ATXN3: variants seen among roughly 807,000 people sequenced by gnomAD.
ATXN3 encodes ataxin 3.
ATXN3 carries 28 observed loss-of-function variants against 58.2 expected under a neutral mutation model. The observed-to-expected ratio is 0.48, with a 90% confidence interval of 0.36 to 0.66. The LOEUF (loss-of-function observed/expected upper bound fraction) is 0.66, where lower values mean the gene tolerates loss of function less well. Ranked by LOEUF, ATXN3 falls within the 30% of genes least tolerant of loss-of-function variation. The probability of loss-of-function intolerance (pLI) is 0.00; values close to 1 mark genes in which losing one functional copy is unlikely to be tolerated. For synonymous variants in ATXN3, 113 were observed against 138.5 expected, an observed-to-expected ratio of 0.82 and a Z score of 1.29; for missense variants, 321 against 422.1, an observed-to-expected ratio of 0.76 and a Z score of 2.10.
At chr14:92,075,342 T>C (rs1262665859) in intron 9 of ATXN3, among the ~76,000 whole-genome samples, 2 of 152,076 alleles carry the variant, frequency 1.3e-5, no homozygotes, top group African/African-American at 4.8e-5. Flanking sequence ...TTTTTTTGTA[T>C]TTTTAGTAGA....
intron 1 of ATXN3, among the ~76,000 whole-genome samples, chr14:92,104,195 C>T (rs1403550299): frequency 1.3e-5 from 2 of 152,152 alleles, no homozygotes; most frequent in Non-Finnish European, 2.9e-5. Flanking sequence ...GGCTGAAGTG[C>T]AGTGGCACGG....
chr14:92,087,538 C>T (rs1300410141), intron 6 of ATXN3, among the ~76,000 whole-genome samples: 2 of 152,156 alleles, frequency 1.3e-5, no homozygotes, highest in African/African-American at 2.4e-5. Context: ...TTTTTAGCCA[C>T]GTCCAGCTAC....
intron 6 of ATXN3, among the ~76,000 whole-genome samples, chr14:92,084,341 C>T (rs1164458076): frequency 6.6e-6 from 1 of 152,198 alleles, no homozygotes; most frequent in Non-Finnish European, 1.5e-5. Context: ...CCCTGACCCA[C>T]ACATGTACAC....
rs947442378 is a variant in ATXN3 at position 92,083,040 on chromosome 14, G to A, written c.608+86C>T. The A allele has an allele frequency of 2.0e-6, 3 of 1,466,886 alleles. No homozygotes were observed. The African/African-American group carries it at 4.3e-5, about 21-fold the overall frequency. The allele number at this position is 1,466,886 out of a possible 1,614,324, so 90.9% of individuals were successfully genotyped here. A position where few individuals can be genotyped will look rare whatever the true frequency, so the allele number is the denominator to read the frequency against. On this transcript the variant is annotated intron_variant, in intron 7 of 10. Transcript: ENST00000644486. ...CAAAATAGAGTCGCCAACAACACAA[G>A]GACCACATATTCAATCTAAGCATGA... is the stretch of plus-strand genomic sequence containing the variant.
Position 92,061,986 on chromosome 14 carries a change from T to C in ATXN3, c.*2334A>G, listed in dbSNP as rs1480838151. 1 of 152,400 alleles carries C rather than the reference T, an allele frequency of 6.6e-6. No homozygotes were observed. The highest frequency in any genetic ancestry group is 1.5e-5 in the Non-Finnish European group (1 of 68,156). 9.4% of individuals were successfully genotyped at this position (152,400 alleles called of 1,614,324 possible). A position where few individuals can be genotyped will look rare whatever the true frequency, so the allele number is the denominator to read the frequency against. On this transcript the variant is annotated 3_prime_UTR_variant, in exon 11 of 11. Transcript: ENST00000644486. ...AAACTCTCTAGCTGGCCAGGCGCAGTGGCTCATGCCTGTAATCCCAACACT... is the reference window on the plus strand; with the variant it reads ...AAACTCTCTAGCTGGCCAGGCGCAGCGGCTCATGCCTGTAATCCCAACACT...
intron 2 of ATXN3, among the ~76,000 whole-genome samples, chr14:92,045,582 T>C (rs1024272497): frequency 1.3e-5 from 2 of 152,050 alleles, no homozygotes; most frequent in Non-Finnish European, 2.9e-5. Context: ...GGGGCCTGAA[T>C]AATCCCTGAG....
chr14:92,086,253 C>CAAAAAAAAAAAAAAAA (rs869147623), intron 6 of ATXN3, among the ~76,000 whole-genome samples: 17 of 94,894 alleles, frequency 1.8e-4, no homozygotes, highest in African/African-American at 5.7e-4. Context: ...ACTAAAAATA[C>CAAAAAAAAAAAAAAAA]AAAAAAAAAA....
chr14:92,054,990 T>A (rs1051885782), downstream of ATXN3, among the ~76,000 whole-genome samples: 1 of 152,214 alleles, frequency 6.6e-6, no homozygotes, highest in African/African-American at 2.4e-5. Context: ...CAAGCAATTC[T>A]CCTGTCTCAG....
intron 5 of ATXN3, 82 bp from the exon 6 acceptor site, chr14:92,088,899 C>A: frequency 1.3e-6 from 1 of 757,186 alleles, no homozygotes; most frequent in Admixed American, 2.3e-5. Context: ...AGATACAACC[C>A]ATCAAAGCTT....
intron 10 of ATXN3, among the ~76,000 whole-genome samples, chr14:92,067,695 C>T (rs2058694479): frequency 6.6e-6 from 1 of 152,200 alleles, no homozygotes; most frequent in Non-Finnish European, 1.5e-5. Flanking sequence ...CCATGCCCAG[C>T]TTAGTGATTT....
intron 9 of ATXN3, among the ~76,000 whole-genome samples, chr14:92,079,052 G>A (rs991067496): frequency 6.6e-6 from 1 of 152,090 alleles, no homozygotes; most frequent in African/African-American, 2.4e-5. Context: ...CAGGCATGGT[G>A]GTGTGTACCT....
At chr14:92,095,845 G>T (rs569223521) in intron 3 of ATXN3, among the ~76,000 whole-genome samples, 71 of 152,082 alleles carry the variant, frequency 4.7e-4, no homozygotes, top group Non-Finnish European at 8.4e-4. Flanking sequence ...GGGAGGCTGA[G>T]GCAGGAGGAT....
chr14:92,074,321 G>A (rs182242370), intron 9 of ATXN3, among the ~76,000 whole-genome samples: 33 of 152,150 alleles, frequency 2.2e-4, no homozygotes, highest in African/African-American at 7.9e-4. Flanking sequence ...ACAAGACTCC[G>A]TCTCAAAAAA....
chr14:92,069,404 TG>T (rs1279981085), intron 10 of ATXN3, among the ~76,000 whole-genome samples: 1 of 133,566 alleles, frequency 7.5e-6, no homozygotes, highest in Admixed American at 7.5e-5. Context: ...GACAGAGTTT[TG>T]CTCTGTCACC....
At chr14:92,071,216 A>G in intron 9 of ATXN3, 163 bp from the exon 10 acceptor site, 1 of 1,123,236 alleles carries the variant, frequency 8.9e-7, no homozygotes, top group Non-Finnish European at 1.3e-6. Flanking sequence ...GATTACTTTA[A>G]AATATGGAAG....
intron 9 of ATXN3, among the ~76,000 whole-genome samples, chr14:92,079,838 AG>A (rs1382693966): frequency 1.3e-5 from 2 of 152,238 alleles, no homozygotes; most frequent in East Asian, 3.9e-4. Context: ...CCCAGATTCA[AG>A]CGATTCTCCT....
At chr14:92,075,479 T>C (rs1048645409) in intron 9 of ATXN3, among the ~76,000 whole-genome samples, 2 of 152,192 alleles carry the variant, frequency 1.3e-5, no homozygotes, top group African/African-American at 4.8e-5. Flanking sequence ...AACTAGTTTT[T>C]TTAATGCATG....
chr14:92,046,072 C>T (rs1182017170), intron 2 of ATXN3, among the ~76,000 whole-genome samples: 2 of 151,976 alleles, frequency 1.3e-5, no homozygotes, highest in African/African-American at 4.8e-5. Context: ...ACTGAGGAAA[C>T]CTCTTTCTGC....
At chr14:92,048,585 A>G (rs1479647638) in intron 1 of ATXN3, among the ~76,000 whole-genome samples, 2 of 152,116 alleles carry the variant, frequency 1.3e-5, no homozygotes, top group African/African-American at 2.4e-5. Context: ...GATTTGGGAG[A>G]GGTCAGATAA....
Sources: gnomAD v4.1 joint callset for allele counts (sites outside exome capture counted in the v4.1 genomes callset) on GRCh38, gnomAD v4.1.1 for gene constraint, MANE v1.5 for transcripts, NCBI Gene and HGNC (gene_info 2026-07-23, HGNC 2026-07-21) for gene names.